Variants in NOS1AP observed in about 807,000 individuals in gnomAD.
NOS1AP encodes the protein carboxyl-terminal PDZ ligand of neuronal nitric oxide synthase protein.
In NOS1AP, 21 loss-of-function variants were observed where a neutral mutation model predicts 56.2. That is an observed-to-expected ratio of 0.37 (90% CI 0.26 to 0.54). NOS1AP has a LOEUF of 0.54. Ranked by LOEUF, NOS1AP falls within the 20% of genes least tolerant of loss-of-function variation. The pLI is 0.84. For missense variants in NOS1AP, 522 were observed against 657.8 expected, an observed-to-expected ratio of 0.79 and a Z score of 2.26; for synonymous variants, 270 against 274.6, an observed-to-expected ratio of 0.98 and a Z score of 0.17.
chr1:162,106,413 C>T (rs1036005932), intron 1 of NOS1AP, among the ~76,000 whole-genome samples: 1 of 152,180 alleles, frequency 6.6e-6, no homozygotes, highest in Non-Finnish European at 1.5e-5. Flanking sequence ...GGAGCTGCTT[C>T]CAATCGACCC....
intron 1 of NOS1AP, among the ~76,000 whole-genome samples, chr1:162,095,863 G>A (rs72713849): frequency 2.0e-5 from 3 of 152,266 alleles, no homozygotes; most frequent in Non-Finnish European, 2.9e-5. Context: ...ATTAAATAAC[G>A]TGAATAAACT....
chr1:162,283,325 T>C (rs1654994202), intron 2 of NOS1AP, among the ~76,000 whole-genome samples: 1 of 152,090 alleles, frequency 6.6e-6, no homozygotes, highest in African/African-American at 2.4e-5. Flanking sequence ...ATTCCTTCTG[T>C]TTCTGAAGTA....
intron 4 of NOS1AP, among the ~76,000 whole-genome samples, chr1:162,312,282 G>A (rs1464687515): frequency 1.4e-5 from 2 of 141,278 alleles, no homozygotes; most frequent in African/African-American, 5.3e-5. Flanking sequence ...ATTCTAACTG[G>A]TGTGAGATGG....
In NOS1AP at chr1:162,271,335, TAG is replaced by T. The variant is rs201940297; in HGVS notation, c.178-16004_178-16003del. Among the ~76,000 whole-genome samples the T allele has an allele frequency of 6.4e-3, 927 of 144,152 alleles. 10 individuals carry two copies. The highest frequency in any genetic ancestry group is 0.022 in the African/African-American group (859 of 39,690). The allele number at this position is 144,152 out of a possible 152,430, so 94.6% of individuals were successfully genotyped here. A position where few individuals can be genotyped will look rare whatever the true frequency, so the allele number is the denominator to read the frequency against. On this transcript the variant is annotated intron_variant, in intron 2 of 9. Coordinates refer to ENST00000361897, the MANE Select transcript of NOS1AP (RefSeq NM_014697.3). ...GATACTACCCAGAAGTCCAGTGATG[TAG>T]AGAGTGTTTACTTTTTTCATATTGA...
intron 3 of NOS1AP, among the ~76,000 whole-genome samples, chr1:162,289,256 CCTT>C (rs1557864848): frequency 2.6e-4 from 19 of 72,028 alleles, no homozygotes; most frequent in African/African-American, 5.7e-4. Flanking sequence ...TTCCTTCCTT[CCTT>C]CCTTCCTTCC....
At chr1:162,366,163 G>T (rs1658078960) in intron 9 of NOS1AP, among the ~76,000 whole-genome samples, 1 of 152,178 alleles carries the variant, frequency 6.6e-6, no homozygotes, top group Non-Finnish European at 1.5e-5. Flanking sequence ...GGGCTGGGCT[G>T]GGCAGCTGTA....
intron 2 of NOS1AP, among the ~76,000 whole-genome samples, chr1:162,276,938 G>A (rs951183979): frequency 6.6e-6 from 1 of 152,174 alleles, no homozygotes; most frequent in Non-Finnish European, 1.5e-5. Context: ...ATCATTGAAT[G>A]TTAGCACTGA....
chr1:162,293,029 T>C (rs565439614), intron 3 of NOS1AP, among the ~76,000 whole-genome samples: 59 of 152,338 alleles, frequency 3.9e-4, no homozygotes, highest in African/African-American at 1.3e-3. Flanking sequence ...CTTGGCCTTC[T>C]TTATTTTCTG....
intron 2 of NOS1AP, among the ~76,000 whole-genome samples, chr1:162,245,583 T>C (rs185616286): frequency 3.3e-4 from 51 of 152,340 alleles, no homozygotes; most frequent in Non-Finnish European, 1.0e-4. Context: ...CAAGCGCTTG[T>C]ACATGAACCT....
At chr1:162,241,192 A>T (rs1173322141) in intron 2 of NOS1AP, among the ~76,000 whole-genome samples, 2 of 152,238 alleles carry the variant, frequency 1.3e-5, no homozygotes, top group Non-Finnish European at 2.9e-5. Flanking sequence ...AAGATGACCA[A>T]GAATTAGCCA....
chr1:162,273,160 C>CTT (rs11429407), intron 2 of NOS1AP, among the ~76,000 whole-genome samples: 5,115 of 106,180 alleles, frequency 0.048, 295 homozygotes, highest in Admixed American at 0.064. Flanking sequence ...AGCCCTTGTT[C>CTT]TTTTTTTTTT....
chr1:162,247,692 G>A (rs1009635854), intron 2 of NOS1AP, among the ~76,000 whole-genome samples: 11 of 149,688 alleles, frequency 7.3e-5, no homozygotes, highest in South Asian at 2.1e-4. Flanking sequence ...TTTTTGTCCC[G>A]TCCCCCCCAC....
intron 2 of NOS1AP, among the ~76,000 whole-genome samples, chr1:162,223,624 T>A (rs1197146193): frequency 3.3e-5 from 5 of 152,112 alleles, no homozygotes; most frequent in Admixed American, 2.0e-4. Flanking sequence ...AGAAAAAAAA[T>A]TTAATTGTGT....
chr1:162,163,620 G>A lies in NOS1AP; in HGVS notation c.177+9144G>A, dbSNP rs79530229. Among the ~76,000 whole-genome samples the A allele has an allele frequency of 3.8e-3, 576 of 152,208 alleles. 7 individuals carry two copies. Among genetic ancestry groups the A allele is most frequent in the African/African-American group, 0.013 (533 of 41,514 alleles). Reference sequence around the variant, plus strand: ...TGTGAATGGAAAGAGGGAGTGAGCCGTGTGGGTATCTGGAGGAAATGTTCC... The same window carrying A: ...TGTGAATGGAAAGAGGGAGTGAGCCATGTGGGTATCTGGAGGAAATGTTCC... On this transcript the variant is annotated intron_variant, in intron 2 of 9. Transcript: ENST00000361897.
chr1:162,172,143 A>G (rs1428709846), intron 2 of NOS1AP, among the ~76,000 whole-genome samples: 2 of 152,202 alleles, frequency 1.3e-5, no homozygotes, highest in African/African-American at 4.8e-5. Context: ...AGCAAACCAG[A>G]AGTCCAAGTT....
chr1:162,183,012 C>A (rs761607165), intron 2 of NOS1AP, among the ~76,000 whole-genome samples: 1 of 152,182 alleles, frequency 6.6e-6, no homozygotes, highest in South Asian at 2.1e-4. Flanking sequence ...TTTCAATTTG[C>A]TTTGTTTGGG....
chr1:162,232,447 A>G (rs770220365), intron 2 of NOS1AP, among the ~76,000 whole-genome samples: 40 of 152,158 alleles, frequency 2.6e-4, no homozygotes, highest in Admixed American at 6.5e-5. Flanking sequence ...AGAACATTTT[A>G]TCTTCCCTGC....
chr1:162,257,688 G>C (rs1405858795), intron 2 of NOS1AP, among the ~76,000 whole-genome samples: 1 of 151,576 alleles, frequency 6.6e-6, no homozygotes, highest in African/African-American at 2.4e-5. Flanking sequence ...CCCCAAATCT[G>C]GTACACATGT....
intron 4 of NOS1AP, among the ~76,000 whole-genome samples, chr1:162,327,278 G>A (rs1178735284): frequency 2.0e-5 from 3 of 152,220 alleles, no homozygotes; most frequent in Admixed American, 2.0e-4. Context: ...AAAACCAAGA[G>A]GAAAAAGGAA....
Sources: allele counts gnomAD v4.1 joint callset (sites outside exome capture counted in the v4.1 genomes callset), GRCh38; gene constraint gnomAD v4.1.1; transcripts MANE v1.5; gene names NCBI Gene and HGNC (gene_info 2026-07-23, HGNC 2026-07-21).